Variants in ADAMTS16 observed in about 807,000 individuals in gnomAD.
The protein encoded by ADAMTS16 is A disintegrin and metalloproteinase with thrombospondin motifs 16.
A neutral mutation model predicts 145.8 loss-of-function variants in ADAMTS16; 94 were observed. That is an observed-to-expected ratio of 0.64 (90% CI 0.55 to 0.77). The LOEUF is 0.77. ADAMTS16 is among the 30% of genes least tolerant of loss of function. The pLI, the probability that ADAMTS16 is intolerant of heterozygous loss-of-function variation, is 0.00. For missense variants in ADAMTS16, 1,585 were observed against 1,591.5 expected (o/e 1.00, Z 0.07); for synonymous variants, 659 against 604.3 (o/e 1.09, Z -1.33).
intron 8 of ADAMTS16, among the ~76,000 whole-genome samples, chr5:5,192,537 G>T (rs1446314884): frequency 6.6e-6 from 1 of 152,158 alleles, no homozygotes; most frequent in African/African-American, 2.4e-5. Context: ...ACTGACAAGA[G>T]ATCAGGCAGG....
chr5:5,309,294 A>G (rs986042445), intron 21 of ADAMTS16, among the ~76,000 whole-genome samples: 2 of 152,240 alleles, frequency 1.3e-5, no homozygotes, highest in African/African-American at 4.8e-5. Context: ...CATGGCGTCA[A>G]TGTAGTAAGT....
rs1307741052 is a variant in ADAMTS16 at position 5,186,063 on chromosome 5, C to A, written c.775C>A (p.Pro259Thr). The A allele has an allele frequency of 1.2e-6, 2 of 1,612,928 alleles. No individual in the cohort carries two copies. Among genetic ancestry groups the A allele is most frequent in the African/African-American group, 2.7e-5 (2 of 74,880 alleles). The change falls in exon 5 of 23, where the codon CCT becomes ACT. Residue 259 changes from proline (P) to threonine (T), a missense_variant. Pro to Thr is a conservative substitution (Grantham distance 38, BLOSUM62 -1). Transcript: ENST00000274181. Reference protein sequence around the residue: ...CGRRKKYMPQPPKEDLFILPD... With the variant: ...CGRRKKYMPQTPKEDLFILPD... ...GTGTCCCTCCATAGACATGCCCCAG[C>A]CTCCCAAGGAAGACCTCTTCATCTT... is the stretch of plus-strand genomic sequence containing the variant.
At chr5:5,156,517 T>A (rs973641720) in intron 3 of ADAMTS16, among the ~76,000 whole-genome samples, 1 of 152,184 alleles carries the variant, frequency 6.6e-6, no homozygotes, top group Admixed American at 6.5e-5. Context: ...TAACTAAACC[T>A]TGCTAGGCCT....
chr5:5,231,858 G>A (rs903025111), intron 11 of ADAMTS16, among the ~76,000 whole-genome samples: 2 of 152,188 alleles, frequency 1.3e-5, no homozygotes, highest in Admixed American at 6.5e-5. Flanking sequence ...CATGGCATCA[G>A]TTAATCGTCC....
chr5:5,239,526 G>T (rs1737217705), intron 15 of ADAMTS16, among the ~76,000 whole-genome samples, 155 bp from the exon 16 acceptor site: 1 of 152,218 alleles, frequency 6.6e-6, no homozygotes, highest in African/African-American at 2.4e-5. Flanking sequence ...AAGCAGCCGG[G>T]TGTAGTTCTA....
intron 10 of ADAMTS16, among the ~76,000 whole-genome samples, chr5:5,221,532 T>G (rs1736606429): frequency 6.6e-6 from 1 of 152,194 alleles, no homozygotes; most frequent in South Asian, 2.1e-4. Flanking sequence ...TGTAACCATA[T>G]GAGATTTTAA....
intron 18 of ADAMTS16, among the ~76,000 whole-genome samples, chr5:5,290,394 C>T (rs1184126202): frequency 3.3e-5 from 5 of 152,146 alleles, no homozygotes; most frequent in African/African-American, 9.7e-5. Context: ...GTGGCTCATG[C>T]GTGTAATCCC....
Position 5,262,838 on chromosome 5 carries a change from C to G in ADAMTS16, c.2789+55C>G. 5.6e-6 allele frequency: 9 copies of G among 1,597,788 alleles called. No homozygotes were observed. The South Asian group carries it at 9.1e-5, about 16-fold the overall frequency. On this transcript the variant is annotated intron_variant, in intron 18 of 22. Transcript: ENST00000274181. Reference sequence around the variant, plus strand: ...TTTCCCAGTTTGCAGACGTGCTCAGCGAGTCTTGCAGCTCCTGATTTCGAG... The same window carrying G: ...TTTCCCAGTTTGCAGACGTGCTCAGGGAGTCTTGCAGCTCCTGATTTCGAG...
intron 17 of ADAMTS16, among the ~76,000 whole-genome samples, chr5:5,258,614 C>G (rs76058553): frequency 0.021 from 3,159 of 152,192 alleles, 102 homozygotes; most frequent in African/African-American, 0.07. Flanking sequence ...AACCTGCTGG[C>G]GAAGCCCACA....
intron 11 of ADAMTS16, among the ~76,000 whole-genome samples, chr5:5,230,699 C>A (rs546509777): frequency 6.6e-6 from 1 of 152,306 alleles, no homozygotes; most frequent in South Asian, 2.1e-4. Context: ...CATGTCAATA[C>A]GCCTTTCTGA....
intron 9 of ADAMTS16, among the ~76,000 whole-genome samples, chr5:5,208,250 A>G (rs1207528638): frequency 2.0e-5 from 3 of 152,202 alleles, no homozygotes; most frequent in African/African-American, 7.2e-5. Context: ...AAGGTGGACA[A>G]CCACTCAGAG....
chr5:5,198,202 G>A (rs1735859632), intron 8 of ADAMTS16, among the ~76,000 whole-genome samples: 1 of 152,130 alleles, frequency 6.6e-6, no homozygotes, highest in Non-Finnish European at 1.5e-5. Context: ...CCAGCGGAGG[G>A]TAGTTTGGTA....
intron 21 of ADAMTS16, among the ~76,000 whole-genome samples, chr5:5,307,727 T>C (rs887399084): frequency 5.9e-5 from 9 of 152,118 alleles, no homozygotes; most frequent in Admixed American, 5.2e-4. Flanking sequence ...CATCCCTATT[T>C]CACAGATGAG....
Position 5,199,204 on chromosome 5 carries a change from G to A in ADAMTS16, c.1314-928G>A, listed in dbSNP as rs1333575236. ...TAAGAAGAAGAGACTTGCTGATGAC[G>A]GAGGTAGCAGCCCTGGAAAATGTGA... On this transcript the variant is annotated intron_variant, in intron 8 of 22. Coordinates refer to ENST00000274181, the MANE Select transcript of ADAMTS16 (RefSeq NM_139056.4). Among the ~76,000 whole-genome samples, 5 of 152,280 alleles carry A rather than the reference G, an allele frequency of 3.3e-5. No individual in the cohort carries two copies. The East Asian group carries it at 7.7e-4, about 24-fold the overall frequency.
chr5:5,263,103 C>CT (rs1432684295), intron 18 of ADAMTS16, among the ~76,000 whole-genome samples: 6 of 152,340 alleles, frequency 3.9e-5, no homozygotes, highest in Non-Finnish European at 8.8e-5. Flanking sequence ...CTCTGCTGTC[C>CT]TGTCCACTAG....
At chr5:5,266,481 G>A (rs555465132) in intron 18 of ADAMTS16, among the ~76,000 whole-genome samples, 3 of 152,236 alleles carry the variant, frequency 2.0e-5, no homozygotes, top group Non-Finnish European at 2.9e-5. Flanking sequence ...CCGCCCTACC[G>A]CATGGGGAGA....
At chr5:5,284,447 A>C (rs886359175) in intron 18 of ADAMTS16, among the ~76,000 whole-genome samples, 1 of 152,226 alleles carries the variant, frequency 6.6e-6, no homozygotes, top group African/African-American at 2.4e-5. Flanking sequence ...TGAATTGTCT[A>C]TGTAAGTGGA....
intron 14 of ADAMTS16, 60 bp downstream of exon 14, chr5:5,237,159 C>T: frequency 5.8e-6 from 9 of 1,563,864 alleles, no homozygotes; most frequent in Non-Finnish European, 7.8e-6. Flanking sequence ...TTGTGTCAAG[C>T]ATCCTGTAGA....
chr5:5,266,607 C>T (rs538761753), intron 18 of ADAMTS16, among the ~76,000 whole-genome samples: 1 of 152,210 alleles, frequency 6.6e-6, no homozygotes. Context: ...TGCCGCCTCC[C>T]CCATACTGCC....
Sources: allele counts gnomAD v4.1 joint callset (sites outside exome capture counted in the v4.1 genomes callset), GRCh38; gene constraint gnomAD v4.1.1; transcripts MANE v1.5; gene names NCBI Gene and HGNC (gene_info 2026-07-23, HGNC 2026-07-21).